Variants in NOX4 observed in about 807,000 individuals in gnomAD.
NOX4 encodes kidney oxidase-1.
Under a neutral mutation model 87.6 loss-of-function variants are expected in NOX4, and 69 were observed. The ratio of observed to expected loss-of-function variants is 0.79; its 90% confidence interval spans 0.65 to 0.96. NOX4 has a LOEUF of 0.96. Among genes scored for constraint, NOX4 ranks in the 40% least tolerant of loss-of-function variants. NOX4 has a pLI of 0.00. For synonymous variants in NOX4, 275 were observed against 238.2 expected (o/e 1.15, Z -1.42); for missense variants, 680 against 681.5 (o/e 1.00, Z 0.02).
chr11:89,498,925 A>AG (rs1214587980), upstream of NOX4: 1 of 152,270 alleles, frequency 6.6e-6, no homozygotes. Flanking sequence ...ACCAGATGCT[A>AG]GAAAGAAGTT....
intron 8 of NOX4, among the ~76,000 whole-genome samples, chr11:89,410,569 G>T (rs867888197): frequency 6.6e-6 from 1 of 152,086 alleles, no homozygotes; most frequent in Non-Finnish European, 1.5e-5. Context: ...GTTGGAACTC[G>T]CAGATACATA....
intron 8 of NOX4, among the ~76,000 whole-genome samples, chr11:89,417,056 T>G (rs1203459055): frequency 2.0e-5 from 3 of 152,056 alleles, no homozygotes; most frequent in African/African-American, 7.2e-5. Context: ...CTCAGTTAAA[T>G]AAAGACATAA....
At chr11:89,383,416 A>G (rs549939190) in intron 11 of NOX4, among the ~76,000 whole-genome samples, 1 of 152,316 alleles carries the variant, frequency 6.6e-6, no homozygotes, top group Non-Finnish European at 1.5e-5. Context: ...AGGCCCTCTG[A>G]CTGACTCCTT....
rs1174310240 is a variant in NOX4 at position 89,324,462 on chromosome 11, T to A, written c.*2294A>T. ...AAATAAAACAAAGTTCTCTTAAACA[T>A]GCAAGATGAAGCCCTGCAGAAGCAA... On this transcript the variant is annotated 3_prime_UTR_variant, in exon 18 of 18. Transcript: ENST00000263317. The A allele has an allele frequency of 6.6e-6, 1 of 152,162 alleles. No homozygotes were observed. Among genetic ancestry groups the A allele is most frequent in the East Asian group, 1.9e-4 (1 of 5,194 alleles). The allele number at this position is 152,162 out of a possible 1,614,324, so 9.4% of individuals were successfully genotyped here. A position where few individuals can be genotyped will look rare whatever the true frequency, so the allele number is the denominator to read the frequency against.
At chr11:89,566,159 C>A in the NOX4 span, among the ~76,000 whole-genome samples, 5 of 151,726 alleles carry the variant, frequency 3.3e-5, no homozygotes, top group East Asian at 9.8e-4. Flanking sequence ...TCTCCTGCCT[C>A]AGCCTCCTGA....
At chr11:89,364,892 C>T (rs541105861) in intron 12 of NOX4, among the ~76,000 whole-genome samples, 4 of 152,224 alleles carry the variant, frequency 2.6e-5, no homozygotes, top group African/African-American at 9.6e-5. Context: ...AACCAACCAG[C>T]TGGCTGATTG....
chr11:89,551,620 C>T, the NOX4 span, among the ~76,000 whole-genome samples: 1 of 152,078 alleles, frequency 6.6e-6, no homozygotes, highest in East Asian at 1.9e-4. Context: ...TATAAGAATG[C>T]TTGTGATTTT....
chr11:89,496,556 G>A (rs1335742821), upstream of NOX4, among the ~76,000 whole-genome samples: 3 of 150,378 alleles, frequency 2.0e-5, no homozygotes, highest in East Asian at 5.9e-4. Context: ...AATTTTATAT[G>A]CCAATGATAG....
the NOX4 span, among the ~76,000 whole-genome samples, chr11:89,566,043 CTTTTT>C: frequency 3.3e-5 from 4 of 122,854 alleles, no homozygotes; most frequent in Admixed American, 8.5e-5. Context: ...TTCTTTTTTT[CTTTTT>C]TTTTTTTTTT....
At chr11:89,528,229 A>G in the NOX4 span, among the ~76,000 whole-genome samples, 8 of 152,142 alleles carry the variant, frequency 5.3e-5, no homozygotes, top group Non-Finnish European at 1.0e-4. Context: ...CACCCCTTGT[A>G]TCTAGGAAGT....
the NOX4 span, among the ~76,000 whole-genome samples, chr11:89,511,572 A>T: frequency 1.8e-4 from 28 of 152,102 alleles, no homozygotes; most frequent in East Asian, 5.0e-3. Flanking sequence ...TGCTAACAGA[A>T]ATTCCGATGA....
intron 2 of NOX4, among the ~76,000 whole-genome samples, chr11:89,465,178 C>G (rs1945623024): frequency 6.6e-6 from 1 of 152,036 alleles, no homozygotes; most frequent in Non-Finnish European, 1.5e-5. Flanking sequence ...TGTGTGCCCT[C>G]CTATGTCCAT....
rs574698285 is a variant in NOX4 at position 89,434,833 on chromosome 11, T to C, written c.476-1977A>G. Reference sequence around the variant, plus strand: ...CAATATACATGAATCACAAAATTGTTAGACTGAATAAAAGAAGCTAAACCA... The same window carrying C: ...CAATATACATGAATCACAAAATTGTCAGACTGAATAAAAGAAGCTAAACCA... On this transcript the variant is annotated intron_variant, in intron 6 of 17. Coordinates refer to ENST00000263317, the MANE Select transcript of NOX4 (RefSeq NM_016931.5). 2.0e-5 allele frequency among the ~76,000 whole-genome samples: 3 copies of C among 152,192 alleles called. No homozygotes were observed. In the East Asian group the frequency reaches 5.8e-4, roughly 29 times the overall value.
the NOX4 span, among the ~76,000 whole-genome samples, chr11:89,540,713 G>A: frequency 6.8e-6 from 1 of 147,408 alleles, no homozygotes; most frequent in East Asian, 2.0e-4. Context: ...GTGTGAACGC[G>A]GGAGGCGCAG....
chr11:89,432,740 T>C, intron 7 of NOX4, 44 bp downstream of exon 7: 1 of 1,385,376 alleles, frequency 7.2e-7, no homozygotes, highest in Non-Finnish European at 1.0e-6. Flanking sequence ...TTTTTCTAAA[T>C]AACCTGACAG....
intron 17 of NOX4, among the ~76,000 whole-genome samples, chr11:89,335,456 A>T (rs1309654971): frequency 1.3e-5 from 2 of 151,828 alleles, no homozygotes; most frequent in African/African-American, 2.4e-5. Context: ...AAAAAATGTG[A>T]TTTTTAAATG....
intron 6 of NOX4, among the ~76,000 whole-genome samples, chr11:89,436,289 C>T (rs144968529): frequency 6.6e-6 from 1 of 152,124 alleles, no homozygotes; most frequent in African/African-American, 2.4e-5. Flanking sequence ...CAAAGGGCAC[C>T]CTAAGCTAGC....
At chr11:89,563,150 G>A in the NOX4 span, among the ~76,000 whole-genome samples, 18 of 152,168 alleles carry the variant, frequency 1.2e-4, no homozygotes, top group Non-Finnish European at 1.8e-4. Context: ...GTCTCAGGTA[G>A]TATCTTTGTA....
chr11:89,476,696 C>T (rs1591350062), intron 2 of NOX4, among the ~76,000 whole-genome samples: 1 of 151,980 alleles, frequency 6.6e-6, no homozygotes, highest in Admixed American at 6.6e-5. Flanking sequence ...CTATTTGAAG[C>T]AGCAGGATAT....
Sources: allele counts gnomAD v4.1 joint callset (sites outside exome capture counted in the v4.1 genomes callset), GRCh38; gene constraint gnomAD v4.1.1; transcripts MANE v1.5; gene names NCBI Gene and HGNC (gene_info 2026-07-23, HGNC 2026-07-21).